The following GMDS variants were observed in gnomAD, a reference collection of about 807,000 sequenced individuals.
The protein encoded by GMDS is GDP-mannose 4,6-dehydratase.
GMDS carries 20 observed loss-of-function variants against 49.9 expected under a neutral mutation model. The ratio of observed to expected loss-of-function variants is 0.40; its 90% confidence interval spans 0.28 to 0.58. The LOEUF (loss-of-function observed/expected upper bound fraction) is 0.58. Among genes scored for constraint, GMDS ranks in the 20% least tolerant of loss-of-function variants. The probability of loss-of-function intolerance (pLI) is 0.42; values close to 1 mark genes in which losing one functional copy is unlikely to be tolerated. For synonymous variants in GMDS, 177 were observed against 178.6 expected, an observed-to-expected ratio of 0.99 and a Z score of 0.07; for missense variants, 362 against 481.4, an observed-to-expected ratio of 0.75 and a Z score of 2.32.
At chr6:2,231,972 T>C (rs185721058) in intron 1 of GMDS, among the ~76,000 whole-genome samples, 37 of 152,310 alleles carry the variant, frequency 2.4e-4, no homozygotes, top group Admixed American at 1.8e-3. Flanking sequence ...TAGTATTCAA[T>C]AGGTGGTTCC....
intron 9 of GMDS, among the ~76,000 whole-genome samples, chr6:1,724,298 C>A (rs1766494302): frequency 6.6e-6 from 1 of 152,214 alleles, no homozygotes; most frequent in African/African-American, 2.4e-5. Context: ...AGCTGCAGAA[C>A]AGGTATGATG....
At chr6:2,227,653 TG>T (rs1159080718) in intron 1 of GMDS, among the ~76,000 whole-genome samples, 1 of 152,128 alleles carries the variant, frequency 6.6e-6, no homozygotes, top group Non-Finnish European at 1.5e-5. Context: ...AGGTGCCAAT[TG>T]TGGCTGGAAC....
At chr6:1,999,980 A>ATATATT (rs1189385904) in intron 4 of GMDS, among the ~76,000 whole-genome samples, 291 of 18,674 alleles carry the variant, frequency 0.016, 20 homozygotes, top group Non-Finnish European at 0.025. Context: ...TTATATATAT[A>ATATATT]TTTTATATAT....
At chr6:2,079,284 T>C (rs1772533654) in intron 4 of GMDS, among the ~76,000 whole-genome samples, 1 of 152,026 alleles carries the variant, frequency 6.6e-6, no homozygotes, top group Non-Finnish European at 1.5e-5. Flanking sequence ...AAGATTATTA[T>C]TAACATGTGA....
chr6:1,821,611 G>GTTTTTTTTTT (rs3039703), intron 7 of GMDS, among the ~76,000 whole-genome samples: 1 of 109,836 alleles, frequency 9.1e-6, no homozygotes, highest in Non-Finnish European at 1.9e-5. Context: ...CAATTTATTT[G>GTTTTTTTTTT]TTTTTTTTTT....
At chr6:2,162,778 A>G (rs1184652258) in intron 1 of GMDS, among the ~76,000 whole-genome samples, 1 of 151,770 alleles carries the variant, frequency 6.6e-6, no homozygotes, top group Non-Finnish European at 1.5e-5. Context: ...AACGTCTAAG[A>G]AGTGGCCCTG....
intron 7 of GMDS, among the ~76,000 whole-genome samples, chr6:1,750,622 C>T (rs1203612386): frequency 6.6e-6 from 1 of 152,136 alleles, no homozygotes; most frequent in East Asian, 1.9e-4. Flanking sequence ...CCTATACCAC[C>T]AGGGCCCTGG....
intron 4 of GMDS, 43 bp from the exon 5 acceptor site, chr6:1,961,009 T>C (rs372231238): frequency 6.1e-5 from 77 of 1,253,526 alleles, no homozygotes; most frequent in Middle Eastern, 4.4e-4. Context: ...AATAGCTTCA[T>C]AGCACAAAGG....
At chr6:1,659,862 TA>T (rs138706225) in intron 9 of GMDS, among the ~76,000 whole-genome samples, 4 of 148,848 alleles carry the variant, frequency 2.7e-5, no homozygotes, top group Non-Finnish European at 4.5e-5. Flanking sequence ...TAATATCCAT[TA>T]AAAAAAAAAG....
chr6:1,921,672 C>A (rs1014632458), intron 7 of GMDS, among the ~76,000 whole-genome samples: 1 of 152,268 alleles, frequency 6.6e-6, no homozygotes, highest in East Asian at 1.9e-4. Context: ...ACAAGCTTTT[C>A]TTTTCCTATA....
intron 4 of GMDS, among the ~76,000 whole-genome samples, chr6:2,109,001 T>C (rs1774397314): frequency 6.6e-6 from 1 of 152,128 alleles, no homozygotes; most frequent in African/African-American, 2.4e-5. Flanking sequence ...TGGCAGGAAA[T>C]ACAGTTATTT....
rs1762707120 is a variant in GMDS, at chr6:1,939,492, T to G, written c.644-9262A>C. ...GGTGTTCCCTAAAGACCCAAGGATA[T>G]ACATATACACACATGCATATATATA... On this transcript the variant is annotated intron_variant, in intron 6 of 10. Coordinates refer to ENST00000380815, the MANE Select transcript of GMDS (RefSeq NM_001500.4). Among the ~76,000 whole-genome samples the G allele has an allele frequency of 2.6e-5, 4 of 151,700 alleles. No homozygotes were observed. The South Asian group carries it at 8.3e-4, about 32-fold the overall frequency.
intron 7 of GMDS, among the ~76,000 whole-genome samples, chr6:1,925,531 G>C (rs1339021739): frequency 4.6e-5 from 7 of 152,152 alleles, no homozygotes; most frequent in Admixed American, 4.6e-4. Flanking sequence ...AAAACAGCTT[G>C]TCTAAGCTGA....
At chr6:2,244,741 T>A (rs1437404708) in intron 1 of GMDS, among the ~76,000 whole-genome samples, 2 of 152,086 alleles carry the variant, frequency 1.3e-5, no homozygotes, top group East Asian at 3.8e-4. Flanking sequence ...GGCGTGATTT[T>A]AAAAAGTTTT....
intron 1 of GMDS, among the ~76,000 whole-genome samples, chr6:2,189,097 G>T (rs1005901149): frequency 1.2e-4 from 18 of 152,222 alleles, no homozygotes; most frequent in African/African-American, 3.9e-4. Flanking sequence ...CAATGAGACT[G>T]CAAAATACCA....
intron 9 of GMDS, among the ~76,000 whole-genome samples, chr6:1,705,668 C>T (rs1191932140): frequency 6.6e-6 from 1 of 152,170 alleles, no homozygotes; most frequent in Non-Finnish European, 1.5e-5. Flanking sequence ...ATGGACTGCG[C>T]ATGGTGTGGG....
chr6:1,867,271 A>C (rs1228225025), intron 7 of GMDS, among the ~76,000 whole-genome samples: 1 of 152,248 alleles, frequency 6.6e-6, no homozygotes, highest in Non-Finnish European at 1.5e-5. Flanking sequence ...TACTTTTAAA[A>C]GTAGTTAAAT....
At chr6:2,046,813 A>G (rs528061202) in intron 4 of GMDS, among the ~76,000 whole-genome samples, 1 of 152,276 alleles carries the variant, frequency 6.6e-6, no homozygotes, top group Admixed American at 6.5e-5. Context: ...CTATATTTAT[A>G]TATTACTTGA....
chr6:1,787,929 C>T (rs1769386628), intron 7 of GMDS, among the ~76,000 whole-genome samples: 1 of 152,110 alleles, frequency 6.6e-6, no homozygotes, highest in Admixed American at 6.5e-5. Context: ...GGAGGTGCGG[C>T]TAGTGGGAGG....
Sources: allele counts gnomAD v4.1 joint callset (sites outside exome capture counted in the v4.1 genomes callset), GRCh38; gene constraint gnomAD v4.1.1; transcripts MANE v1.5; gene names NCBI Gene and HGNC (gene_info 2026-07-23, HGNC 2026-07-21).